ZFAND3: variants seen among roughly 807,000 people sequenced by gnomAD.
ZFAND3 encodes the protein zinc finger AN1-type containing 3.
A neutral mutation model predicts 29.6 loss-of-function variants in ZFAND3; 10 were observed. The observed-to-expected ratio is 0.34, with a 90% CI of 0.21 to 0.57. ZFAND3 has a LOEUF of 0.57. Among genes scored for constraint, ZFAND3 ranks in the 20% least tolerant of loss-of-function variants. The probability of loss-of-function intolerance (pLI) is 0.86; values close to 1 mark genes in which losing one functional copy is unlikely to be tolerated. For missense variants in ZFAND3, 230 were observed against 304.5 expected, an observed-to-expected ratio of 0.76 and a Z score of 1.82; for synonymous variants, 128 against 112.6, an observed-to-expected ratio of 1.14 and a Z score of -0.87.
Position 37,891,760 on chromosome 6 carries a change from G to T in ZFAND3, c.72-38199G>T, listed in dbSNP as rs1376996386. The stretch of plus-strand genomic sequence containing the variant: ...TTTGTTGTTGTTGAGACTGAGTCTC[G>T]CTCTGTCGCTTAGGCTGGAGTGCAG... On this transcript the variant is annotated intron_variant, in intron 1 of 5. Transcript: ENST00000287218. 2.6e-5 allele frequency among the ~76,000 whole-genome samples: 4 copies of T among 151,874 alleles called. No individual in the cohort carries two copies. In the South Asian group the frequency reaches 6.3e-4, roughly 24 times the overall value.
chr6:38,003,065 T>C (rs946513370), intron 2 of ZFAND3: 4 of 153,294 alleles, frequency 2.6e-5, no homozygotes, highest in African/African-American at 9.6e-5. Flanking sequence ...TTCAGGAAGA[T>C]GACAATGATC....
At chr6:38,052,235 C>G (rs1160849587) in intron 2 of ZFAND3, among the ~76,000 whole-genome samples, 1 of 152,114 alleles carries the variant, frequency 6.6e-6, no homozygotes, top group Non-Finnish European at 1.5e-5. Context: ...TGATTTAAAT[C>G]TAAGCAAGCA....
chr6:37,955,106 T>A (rs908025906), intron 2 of ZFAND3, among the ~76,000 whole-genome samples: 2 of 152,002 alleles, frequency 1.3e-5, no homozygotes, highest in Non-Finnish European at 2.9e-5. Flanking sequence ...TTCTAGCTGC[T>A]TTGTTCTCTG....
chr6:37,963,224 C>T (rs1033096473), intron 2 of ZFAND3, among the ~76,000 whole-genome samples: 1 of 152,028 alleles, frequency 6.6e-6, no homozygotes, highest in Non-Finnish European at 1.5e-5. Flanking sequence ...TAGATTTAAC[C>T]CAAAGAAGAC....
intron 5 of ZFAND3, among the ~76,000 whole-genome samples, chr6:38,130,295 C>A (rs79384048): frequency 1.6e-4 from 25 of 152,098 alleles, no homozygotes; most frequent in Non-Finnish European, 3.2e-4. Flanking sequence ...GATTTGGATG[C>A]CCTTTATTTC....
chr6:38,095,268 T>C (rs1322374073), intron 4 of ZFAND3, among the ~76,000 whole-genome samples: 4 of 152,298 alleles, frequency 2.6e-5, no homozygotes, highest in African/African-American at 9.6e-5. Flanking sequence ...TGCATAAGAA[T>C]CTCTGAGCCA....
In ZFAND3 at chr6:38,119,423, T is replaced by C. The variant is rs1765485722; in HGVS notation, c.529+2684T>C. 2.0e-5 allele frequency among the ~76,000 whole-genome samples: 3 copies of C among 152,230 alleles called. No individual in the cohort carries two copies. In the South Asian group the frequency reaches 6.2e-4, roughly 31 times the overall value. ...ACTTCTTCCCTGCAGAAAATCTTTT[T>C]TTAAATATATATTCGCAATCTTTTC... On this transcript the variant is annotated intron_variant, in intron 5 of 5. Transcript: ENST00000287218.
chr6:37,909,291 C>G (rs13197310), intron 1 of ZFAND3, among the ~76,000 whole-genome samples: 5 of 105,006 alleles, frequency 4.8e-5, no homozygotes, highest in African/African-American at 1.5e-4. Flanking sequence ...TTTTTTTTTT[C>G]TTTTTTGAGA....
chr6:37,960,972 G>A (rs2127424513), intron 2 of ZFAND3, among the ~76,000 whole-genome samples: 1 of 152,258 alleles, frequency 6.6e-6, no homozygotes, highest in East Asian at 1.9e-4. Flanking sequence ...ATAGTCAGGA[G>A]GCTGAGGTGA....
At chr6:38,140,685 G>A (rs577620312) in intron 5 of ZFAND3, among the ~76,000 whole-genome samples, 2 of 152,200 alleles carry the variant, frequency 1.3e-5, no homozygotes, top group South Asian at 4.1e-4. Context: ...TACCCAAATT[G>A]TAACCATTAG....
intron 1 of ZFAND3, among the ~76,000 whole-genome samples, chr6:37,871,376 C>T (rs1167090637): frequency 6.6e-6 from 1 of 151,936 alleles, no homozygotes; most frequent in East Asian, 1.9e-4. Flanking sequence ...CTCTTTAATC[C>T]TTGAGCATAG....
chr6:37,847,527 TCGCGC>T (rs1242993725), intron 1 of ZFAND3, among the ~76,000 whole-genome samples: 1 of 152,152 alleles, frequency 6.6e-6, no homozygotes, highest in Non-Finnish European at 1.5e-5. Context: ...TGAGCCGAGA[TCGCGC>T]CACTGCACTC....
chr6:37,974,013 AGACTTG>A (rs1762434885), intron 2 of ZFAND3, among the ~76,000 whole-genome samples: 2 of 152,210 alleles, frequency 1.3e-5, no homozygotes, highest in South Asian at 4.1e-4. Context: ...CAAAATTGCC[AGACTTG>A]GAAGTAGAAA....
chr6:38,097,927 C>T (rs1260702745), intron 4 of ZFAND3, among the ~76,000 whole-genome samples: 1 of 152,206 alleles, frequency 6.6e-6, no homozygotes, highest in East Asian at 1.9e-4. Flanking sequence ...AGAGCCATAG[C>T]AGCCCTTGTT....
At chr6:37,883,463 T>G (rs1764933696) in intron 1 of ZFAND3, among the ~76,000 whole-genome samples, 1 of 116,518 alleles carries the variant, frequency 8.6e-6, no homozygotes, top group African/African-American at 4.9e-5. Flanking sequence ...TACAAATGAG[T>G]TTTGTTTGCA....
Position 38,152,746 on chromosome 6 carries a change from G to C in ZFAND3, c.*357G>C. The C allele has an allele frequency of 9.9e-7, 1 of 1,007,790 alleles. No individual in the cohort carries two copies. Among genetic ancestry groups the C allele is most frequent in the Non-Finnish European group, 1.2e-6 (1 of 844,882 alleles). 62.4% of individuals were successfully genotyped at this position (1,007,790 alleles called of 1,614,324 possible). A position where few individuals can be genotyped will look rare whatever the true frequency, so the allele number is the denominator to read the frequency against. On this transcript the variant is annotated 3_prime_UTR_variant, in exon 6 of 6. Transcript: ENST00000287218. ...CAGACGGAGACTCTGAGTTAATAGAGGAGTAGAAGCTGGTGTTAAAGTTCC... is the reference window on the plus strand; with the variant it reads ...CAGACGGAGACTCTGAGTTAATAGACGAGTAGAAGCTGGTGTTAAAGTTCC...
intron 1 of ZFAND3, among the ~76,000 whole-genome samples, chr6:37,849,993 C>CA (rs1764253575): frequency 6.6e-6 from 1 of 152,162 alleles, no homozygotes; most frequent in Admixed American, 6.5e-5. Context: ...CCACTGCTTG[C>CA]TGCGGGTACC....
At chr6:37,897,800 A>T (rs1765246191) in intron 1 of ZFAND3, among the ~76,000 whole-genome samples, 1 of 152,176 alleles carries the variant, frequency 6.6e-6, no homozygotes, top group Non-Finnish European at 1.5e-5. Context: ...GTGCCTGTTC[A>T]AGTCTTTTGT....
chr6:37,917,833 A>G (rs16890257), intron 1 of ZFAND3, among the ~76,000 whole-genome samples: 3,109 of 152,246 alleles, frequency 0.02, 99 homozygotes, highest in African/African-American at 0.071. Context: ...AGAATGGCCT[A>G]GTAGATTGAT....
Sources: allele counts gnomAD v4.1 joint callset (sites outside exome capture counted in the v4.1 genomes callset), GRCh38; gene constraint gnomAD v4.1.1; transcripts MANE v1.5; gene names NCBI Gene and HGNC (gene_info 2026-07-23, HGNC 2026-07-21).